MLLT10: variants seen among roughly 807,000 people sequenced by gnomAD.
MLLT10 encodes MLLT10 histone lysine methyltransferase DOT1L cofactor.
In MLLT10, 30 loss-of-function variants were observed where a neutral mutation model predicts 129.1. That is an observed-to-expected ratio of 0.23 (90% CI 0.17 to 0.32). MLLT10 has a LOEUF of 0.32. Ranked by LOEUF, MLLT10 falls within the 10% of genes least tolerant of loss-of-function variation. The pLI is 1.00. For missense variants in MLLT10, 1,119 were observed against 1,268.3 expected, an observed-to-expected ratio of 0.88 and a Z score of 1.79; for synonymous variants, 490 against 446.4, an observed-to-expected ratio of 1.10 and a Z score of -1.23.
intron 9 of MLLT10, among the ~76,000 whole-genome samples, chr10:21,669,526 C>A (rs1228501491): frequency 6.6e-6 from 1 of 152,054 alleles, no homozygotes; most frequent in Non-Finnish European, 1.5e-5. Flanking sequence ...ATTAACTTAT[C>A]CAACAAAAAT....
chr10:21,547,610 T>G (rs1201806964), intron 3 of MLLT10, among the ~76,000 whole-genome samples: 2 of 149,388 alleles, frequency 1.3e-5, no homozygotes, highest in Non-Finnish European at 3.0e-5. Context: ...AACCTCCGCC[T>G]TTCATGTTCA....
In MLLT10 at chr10:21,607,286, G is replaced by A. The variant is rs1053984816; in HGVS notation, c.406-5062G>A. Among the ~76,000 whole-genome samples, 6 of 140,964 alleles carry A rather than the reference G, an allele frequency of 4.3e-5. No homozygotes were observed. The East Asian group carries it at 6.2e-4, about 15-fold the overall frequency. 92.5% of individuals were successfully genotyped at this position (140,964 alleles called of 152,430 possible). A position where few individuals can be genotyped will look rare whatever the true frequency, so the allele number is the denominator to read the frequency against. On this transcript the variant is annotated intron_variant, in intron 5 of 22. Transcript: ENST00000307729. ...ATAAATGTTAAAAACTCAACAATAT[G>A]TTGTTAAACTTATTGTTTTATGTAC...
At chr10:21,544,872 G>A (rs1171016506) in intron 3 of MLLT10, among the ~76,000 whole-genome samples, 1 of 152,172 alleles carries the variant, frequency 6.6e-6, no homozygotes, top group East Asian at 1.9e-4. Context: ...GAGGCCGGGC[G>A]CTGTGTCTTA....
chr10:21,641,565 A>G lies in MLLT10; in HGVS notation c.700-10108A>G, dbSNP rs2048007720. ...CAGCTACTCCGGAGGCTGAGGTGGGAGGATGCCTTGAGCCTGGAGTTTGAG... is the reference window on the plus strand; with the variant it reads ...CAGCTACTCCGGAGGCTGAGGTGGGGGGATGCCTTGAGCCTGGAGTTTGAG... On this transcript the variant is annotated intron_variant, in intron 8 of 22. Transcript: ENST00000307729. Among the ~76,000 whole-genome samples the G allele has an allele frequency of 3.3e-5, 5 of 152,148 alleles. No homozygotes were observed. In the South Asian group the frequency reaches 1.0e-3, roughly 32 times the overall value.
At chr10:21,726,192 TTAATA>T in intron 14 of MLLT10, 47 bp from the exon 15 acceptor site, 1 of 1,209,996 alleles carries the variant, frequency 8.3e-7, no homozygotes, top group South Asian at 1.4e-5. Context: ...GGGAAAACTT[TTAATA>T]TATTTTCACA....
intron 8 of MLLT10, among the ~76,000 whole-genome samples, chr10:21,620,437 A>G (rs1023206684): frequency 1.3e-5 from 2 of 152,304 alleles, no homozygotes; most frequent in South Asian, 2.1e-4. Flanking sequence ...TAGATTTACC[A>G]TGGAGTTATG....
At chr10:21,558,441 G>A (rs891614236) in intron 3 of MLLT10, among the ~76,000 whole-genome samples, 1 of 151,834 alleles carries the variant, frequency 6.6e-6, no homozygotes. Flanking sequence ...GGGTGACAGA[G>A]GAGACCCTAT....
At chr10:21,628,284 T>C (rs188492172) in intron 8 of MLLT10, among the ~76,000 whole-genome samples, 4 of 152,312 alleles carry the variant, frequency 2.6e-5, no homozygotes, top group Admixed American at 6.5e-5. Flanking sequence ...CCCTGAAATA[T>C]ATTGGCTTAA....
intron 3 of MLLT10, among the ~76,000 whole-genome samples, chr10:21,545,038 G>A (rs1412878455): frequency 6.6e-6 from 1 of 152,184 alleles, no homozygotes; most frequent in Non-Finnish European, 1.5e-5. Flanking sequence ...CCAGCTACTA[G>A]GGAGGCTGAG....
chr10:21,730,864 TCC>T (rs1475553826), intron 16 of MLLT10, 34 bp from the exon 17 acceptor site: 2 of 1,612,732 alleles, frequency 1.2e-6, no homozygotes, highest in Non-Finnish European at 1.7e-6. Flanking sequence ...TTAAAAGCAT[TCC>T]CCTTCTTTTT....
Position 21,742,801 on chromosome 10 carries a change from G to C in MLLT10, c.*818G>C, listed in dbSNP as rs1833838969. On this transcript the variant is annotated 3_prime_UTR_variant, in exon 23 of 23. Coordinates refer to ENST00000307729, the MANE Select transcript of MLLT10 (RefSeq NM_001195626.3). ...ATCAAGTGCCTCCATTGTGCTGCAA[G>C]GGCTGTAGACAGCAGGGTGGGACAG... 1 of 227,842 alleles carries C rather than the reference G, an allele frequency of 4.4e-6. No homozygotes were observed. The highest frequency in any genetic ancestry group is 8.7e-6 in the Non-Finnish European group (1 of 114,668). 14.1% of individuals were successfully genotyped at this position (227,842 alleles called of 1,614,324 possible).
chr10:21,586,469 C>A, intron 4 of MLLT10, 121 bp downstream of exon 4: 1 of 798,846 alleles, frequency 1.3e-6, no homozygotes, highest in Non-Finnish European at 2.0e-6. Flanking sequence ...TCATTTTTAA[C>A]AGTGGTGGCT....
chr10:21,634,571 C>T (rs991635188), intron 8 of MLLT10, among the ~76,000 whole-genome samples: 5 of 152,218 alleles, frequency 3.3e-5, no homozygotes, highest in African/African-American at 1.2e-4. Context: ...AATAGTCTTT[C>T]ATGCAGTGTG....
chr10:21,733,075 T>G lies in MLLT10; in HGVS notation c.2395T>G (p.Ser799Ala), dbSNP rs2058083718. 6.2e-7 allele frequency: 1 copy of G among 1,607,344 alleles called. No homozygotes were observed. ...PSPSHQIHTF[S>A]AQTAPTTDSL... The stretch of plus-strand genomic sequence containing the variant: ...TCCGTCTCATCAAATACACACATTT[T>G]CAGCACAGACTGGTAAGTGTGAAAA... The change falls in exon 18 of 23, where the codon TCA becomes GCA. Residue 799 changes from serine (S) to alanine (A), a missense_variant. Coordinates refer to ENST00000307729, the MANE Select transcript of MLLT10 (RefSeq NM_001195626.3).
At chr10:21,576,730 A>T (rs2040807996) in intron 3 of MLLT10, among the ~76,000 whole-genome samples, 1 of 151,278 alleles carries the variant, frequency 6.6e-6, no homozygotes, top group Non-Finnish European at 1.5e-5. Flanking sequence ...TCCCGGGTTC[A>T]AGCGATTCTC....
chr10:21,710,989 G>T (rs2056028267), intron 13 of MLLT10, among the ~76,000 whole-genome samples: 1 of 151,898 alleles, frequency 6.6e-6, no homozygotes. Context: ...TATTTTTCAG[G>T]TCTAATTAGT....
Position 21,534,685 on chromosome 10 carries a change from T to C in MLLT10, c.41T>C (p.Val14Ala), listed in dbSNP as rs2033491587. 6.2e-7 allele frequency: 1 copy of C among 1,611,846 alleles called. No individual in the cohort carries two copies. The highest frequency in any genetic ancestry group is 1.1e-5 in the South Asian group (1 of 90,862). ...CGGCCCGTGTCACTGGAGGACGAGG[T>C]CTCCCATAGTATGAAGGAGATGATT... is the stretch of plus-strand genomic sequence containing the variant. Reference protein sequence around the residue: ...SDRPVSLEDEVSHSMKEMIGG... With the variant: ...SDRPVSLEDEASHSMKEMIGG... The change falls in exon 2 of 23, where the codon GTC (valine) becomes GCC (alanine). Residue 14 changes from valine to alanine, a missense_variant. By Grantham distance (64) the Val-to-Ala change is moderately conservative (BLOSUM62 0). This residue lies in a region of MLLT10 where 35 missense variants were observed against 26.0 expected (regional missense o/e 1.35). Transcript: ENST00000307729.
At chr10:21,732,029 T>C (rs913501804) in intron 17 of MLLT10, among the ~76,000 whole-genome samples, 3 of 152,150 alleles carry the variant, frequency 2.0e-5, no homozygotes, top group South Asian at 2.1e-4. Flanking sequence ...CTGAGTCTTA[T>C]TGCATCTCAT....
At chr10:21,651,039 G>GTT (rs2048972276) in intron 8 of MLLT10, among the ~76,000 whole-genome samples, 2 of 148,430 alleles carry the variant, frequency 1.3e-5, no homozygotes, top group Non-Finnish European at 3.0e-5. Flanking sequence ...TGGTGGTTGT[G>GTT]TTGTTTTGTT....
Sources: allele counts gnomAD v4.1 joint callset (sites outside exome capture counted in the v4.1 genomes callset), GRCh38; gene constraint gnomAD v4.1.1; regional missense constraint gnomAD v4.1.1; transcripts MANE v1.5; gene names NCBI Gene and HGNC (gene_info 2026-07-23, HGNC 2026-07-21).